Variants in OTOGL observed in about 807,000 individuals in gnomAD.
The protein encoded by OTOGL is otogelin like, also known as otogelin-like protein.
A neutral mutation model predicts 318.5 loss-of-function variants in OTOGL; 285 were observed. The ratio of observed to expected loss-of-function variants is 0.89; its 90% confidence interval spans 0.81 to 0.99. OTOGL has a LOEUF of 0.99. OTOGL is among the 50% of genes least tolerant of loss of function. The pLI is 0.00. For missense variants in OTOGL, 2,899 were observed against 2,845.6 expected (o/e 1.02, Z -0.43); for synonymous variants, 987 against 936.5 (o/e 1.05, Z -0.99).
rs1891252081 is a variant in OTOGL at position 80,377,851 on chromosome 12, A to T, written c.6865A>T (p.Asn2289Tyr). The T allele has an allele frequency of 6.2e-7, 1 of 1,604,138 alleles. No homozygotes were observed. The highest frequency in any genetic ancestry group is 8.5e-7 in the Non-Finnish European group (1 of 1,172,666). The change falls in exon 59 of 59, where the codon AAT (asparagine) becomes TAT (tyrosine). Residue 2289 changes from asparagine to tyrosine, a missense_variant. Around this residue, in one of 3 missense-constraint regions of OTOGL, gnomAD observed 289 missense variants for 304.6 expected, o/e 0.95. Coordinates refer to ENST00000547103, the MANE Select transcript of OTOGL (RefSeq NM_001378609.3). ...KQDCMSQSPINVASCDGKCPS... is the reference protein window; with the variant it reads ...KQDCMSQSPIYVASCDGKCPS... ...TTCTCATTGTCACTTCTTACAGATA[A>T]ATGTTGCATCTTGTGACGGCAAATG... is the stretch of plus-strand genomic sequence containing the variant.
intron 1 of OTOGL, among the ~76,000 whole-genome samples, chr12:80,150,186 C>A (rs1455183932): frequency 6.6e-6 from 1 of 152,168 alleles, no homozygotes; most frequent in Non-Finnish European, 1.5e-5. Context: ...AGGTCCTGTT[C>A]CCTGGAAATC....
chr12:80,161,625 AG>A lies in OTOGL; in HGVS notation c.-19-47785del, dbSNP rs1297105555. On this transcript the variant is annotated intron_variant, in intron 1 of 58. Transcript: ENST00000547103. The stretch of plus-strand genomic sequence containing the variant: ...AATTAACTGAATATAGGGGAAGGGA[AG>A]GGTATCTTAGATAACTAAGTTCTCA... Among the ~76,000 whole-genome samples the A allele has an allele frequency of 7.9e-5, 12 of 152,234 alleles. No homozygotes were observed. The East Asian group carries it at 2.3e-3, about 29-fold the overall frequency.
At chr12:80,252,264 A>C (rs1044836912) in intron 13 of OTOGL, 63 bp downstream of exon 13, 1 of 1,467,800 alleles carries the variant, frequency 6.8e-7, no homozygotes, top group African/African-American at 1.4e-5. Context: ...TGATCTAAGG[A>C]TCACATCTTC....
At chr12:80,145,305 A>G (rs1326614741) in intron 1 of OTOGL, among the ~76,000 whole-genome samples, 1 of 152,026 alleles carries the variant, frequency 6.6e-6, no homozygotes, top group Non-Finnish European at 1.5e-5. Flanking sequence ...ACCATTTATT[A>G]AATAGGGAAT....
intron 30 of OTOGL, among the ~76,000 whole-genome samples, chr12:80,313,208 A>G (rs984067759): frequency 3.3e-5 from 5 of 152,188 alleles, no homozygotes; most frequent in Non-Finnish European, 7.4e-5. Context: ...AGAAGCTTCC[A>G]AAAATTAATC....
intron 1 of OTOGL, among the ~76,000 whole-genome samples, chr12:80,135,496 C>A (rs1298110954): frequency 6.6e-6 from 1 of 152,174 alleles, no homozygotes; most frequent in Admixed American, 6.5e-5. Flanking sequence ...TGGTCTCGAA[C>A]TCCTGCCCTC....
intron 1 of OTOGL, among the ~76,000 whole-genome samples, chr12:80,159,831 A>G (rs1242632509): frequency 6.6e-6 from 1 of 152,118 alleles, no homozygotes; most frequent in Non-Finnish European, 1.5e-5. Context: ...CAGACATCAC[A>G]TTACCTGACT....
rs904121016 is a variant in OTOGL at position 80,209,303 on chromosome 12, T to C, written c.-19-110T>C. 2.6e-4 allele frequency: 146 copies of C among 557,374 alleles called. 1 individual carries two copies. Among genetic ancestry groups the C allele is most frequent in the Non-Finnish European group, 3.9e-4 (136 of 351,332 alleles). 34.5% of individuals were successfully genotyped at this position (557,374 alleles called of 1,614,324 possible). ...TAGTTGGAAAGCCTGGAATTCCTTT[T>C]TGAATTACTTTATTACATAGCTATA... On this transcript the variant is annotated intron_variant, in intron 1 of 58. Transcript: ENST00000547103.
At chr12:80,233,325 A>G (rs1879548108) in intron 9 of OTOGL, among the ~76,000 whole-genome samples, 1 of 152,220 alleles carries the variant, frequency 6.6e-6, no homozygotes, top group East Asian at 1.9e-4. Flanking sequence ...ACTTACTCAC[A>G]TAACACATTT....
intron 44 of OTOGL, among the ~76,000 whole-genome samples, chr12:80,348,314 G>T (rs1007453339): frequency 1.3e-5 from 2 of 152,114 alleles, no homozygotes; most frequent in African/African-American, 4.8e-5. Flanking sequence ...GTAAGGAGGG[G>T]ATCCAGTTTC....
At chr12:80,169,051 CTTGT>C (rs1874016902) in intron 1 of OTOGL, among the ~76,000 whole-genome samples, 1 of 152,098 alleles carries the variant, frequency 6.6e-6, no homozygotes, top group Non-Finnish European at 1.5e-5. Flanking sequence ...GAGCTATAGT[CTTGT>C]TTGCCTTCTA....
Position 80,358,542 on chromosome 12 carries a change from C to T in OTOGL, c.6122-129C>T, listed in dbSNP as rs1044910394. ...TCTTCACCAACACATGGCAATCTGACGGTGGGAGAGGTAGCACTTGGGAAA... is the reference window on the plus strand; with the variant it reads ...TCTTCACCAACACATGGCAATCTGATGGTGGGAGAGGTAGCACTTGGGAAA... On this transcript the variant is annotated intron_variant, in intron 50 of 58. Coordinates refer to ENST00000547103, the MANE Select transcript of OTOGL (RefSeq NM_001378609.3). The T allele has an allele frequency of 1.1e-4, 94 of 844,704 alleles. No homozygotes were observed. In the Middle Eastern group the frequency reaches 1.2e-3, roughly 11 times the overall value. The allele number at this position is 844,704 out of a possible 1,614,324, so 52.3% of individuals were successfully genotyped here.
intron 1 of OTOGL, chr12:80,132,580 A>G (rs1381884927): frequency 9.2e-5 from 14 of 152,172 alleles, no homozygotes. Flanking sequence ...ACTTTATATT[A>G]CCTTCTCTTT....
At chr12:80,310,134 A>C (rs917176115) in intron 29 of OTOGL, among the ~76,000 whole-genome samples, 4 of 152,176 alleles carry the variant, frequency 2.6e-5, no homozygotes, top group Non-Finnish European at 5.9e-5. Flanking sequence ...AATTGCCTTT[A>C]TATTTAACAA....
chr12:80,257,556 G>A (rs1186765462), intron 17 of OTOGL, among the ~76,000 whole-genome samples: 3 of 152,048 alleles, frequency 2.0e-5, no homozygotes, highest in Non-Finnish European at 4.4e-5. Flanking sequence ...CTTGTGAGAT[G>A]CTTGCAAACT....
intron 24 of OTOGL, among the ~76,000 whole-genome samples, chr12:80,274,082 ACT>A (rs1326969307): frequency 1.3e-5 from 2 of 151,972 alleles, no homozygotes; most frequent in Non-Finnish European, 2.9e-5. Flanking sequence ...CCAATTAATA[ACT>A]CTACAATAGT....
intron 1 of OTOGL, among the ~76,000 whole-genome samples, chr12:80,192,170 A>G (rs899158991): frequency 1.3e-5 from 2 of 152,166 alleles, no homozygotes; most frequent in Non-Finnish European, 2.9e-5. Context: ...CATATGGCAA[A>G]CTTTTTGATG....
chr12:80,345,735 G>A (rs1292516463), intron 44 of OTOGL, among the ~76,000 whole-genome samples: 1 of 152,056 alleles, frequency 6.6e-6, no homozygotes. Context: ...TTGAGAATAA[G>A]ATAGAGATAA....
chr12:80,356,544 A>G (rs973192973), intron 48 of OTOGL, 24 bp downstream of exon 48: 1 of 1,508,548 alleles, frequency 6.6e-7, no homozygotes, highest in African/African-American at 1.4e-5. Context: ...ATAGAAAATT[A>G]AGAGTGAGGT....
Sources: gnomAD v4.1 joint callset for allele counts (sites outside exome capture counted in the v4.1 genomes callset) on GRCh38, gnomAD v4.1.1 for gene constraint, gnomAD v4.1.1 regional missense constraint, MANE v1.5 for transcripts, NCBI Gene and HGNC (gene_info 2026-07-23, HGNC 2026-07-21) for gene names.